DIS3L2: variants seen among roughly 807,000 people sequenced by gnomAD.
DIS3L2 encodes the protein DIS3 like 3'-5' exoribonuclease 2.
A neutral mutation model predicts 97.5 loss-of-function variants in DIS3L2; 34 were observed. That is an observed-to-expected ratio of 0.35 (90% CI 0.27 to 0.46). The LOEUF (loss-of-function observed/expected upper bound fraction) is 0.46. DIS3L2 is among the 20% of genes least tolerant of loss of function. The pLI is 1.00. For missense variants in DIS3L2, 1,038 were observed against 1,146.0 expected (o/e 0.91, Z 1.36); for synonymous variants, 435 against 445.2 (o/e 0.98, Z 0.29).
intron 5 of DIS3L2, among the ~76,000 whole-genome samples, chr2:232,033,870 T>G (rs186540870): frequency 4.6e-5 from 7 of 152,260 alleles, no homozygotes; most frequent in African/African-American, 1.4e-4. Context: ...TTTGGTTTGC[T>G]AGTATTTTAT....
chr2:232,197,063 C>T (rs34714725), intron 9 of DIS3L2, among the ~76,000 whole-genome samples: 1,686 of 152,200 alleles, frequency 0.011, 15 homozygotes, highest in South Asian at 0.034. Flanking sequence ...GATGATGATC[C>T]TTTCAACAGC....
rs538362804 is a variant in DIS3L2 at position 232,293,799 on chromosome 2, C to T, written c.1660-6241C>T. Among the ~76,000 whole-genome samples the T allele has an allele frequency of 5.3e-5, 8 of 152,264 alleles. No individual in the cohort carries two copies. The highest frequency in any genetic ancestry group is 1.9e-4 in the East Asian group (1 of 5,182). On this transcript the variant is annotated intron_variant, in intron 13 of 20. Transcript: ENST00000325385. The surrounding 1 kb of genome is among the most constrained non-coding windows in gnomAD (Gnocchi z 4.6). Reference sequence around the variant, plus strand: ...TTTCATATCTCCAAAAGCAGGAAGCCGTCAAAGGTACTAAAGAGGGAAGTG... The same window carrying T: ...TTTCATATCTCCAAAAGCAGGAAGCTGTCAAAGGTACTAAAGAGGGAAGTG...
At chr2:232,171,782 C>T (rs560111270) in intron 9 of DIS3L2, among the ~76,000 whole-genome samples, 1 of 152,246 alleles carries the variant, frequency 6.6e-6, no homozygotes, top group African/African-American at 2.4e-5. Flanking sequence ...AAAGTAGATA[C>T]ACAACTGGAC....
chr2:232,045,013 C>T (rs535244174), intron 5 of DIS3L2, among the ~76,000 whole-genome samples: 2 of 152,126 alleles, frequency 1.3e-5, no homozygotes, highest in African/African-American at 4.8e-5. Context: ...TTGAGAAAAT[C>T]GGTCTAGTGG....
At position 232,276,766 on chromosome 2, in the gene DIS3L2, CTG is replaced by C. The variant is rs1195353161; in HGVS notation, c.1659+13329_1659+13330del. Among the ~76,000 whole-genome samples the C allele has an allele frequency of 5.3e-5, 8 of 152,238 alleles. No homozygotes were observed. Among genetic ancestry groups the C allele is most frequent in the Non-Finnish European group, 1.0e-4 (7 of 68,038 alleles). ...ACTTAGCTGTGTGACTCTAACTCTT[CTG>C]TGCCTCAGTTTCCTTGTCAGTGAAA... is the stretch of plus-strand genomic sequence containing the variant. On this transcript the variant is annotated intron_variant, in intron 13 of 20. Transcript: ENST00000325385. This position sits in a 1 kb window ranked among gnomAD's most constrained non-coding sequence, Gnocchi z 4.4.
intron 8 of DIS3L2, among the ~76,000 whole-genome samples, chr2:232,143,282 C>G (rs1400762325): frequency 6.6e-6 from 1 of 152,022 alleles, no homozygotes; most frequent in African/African-American, 2.4e-5. Flanking sequence ...CCCAAGGCCC[C>G]CACCTATCAT....
intron 1 of DIS3L2, among the ~76,000 whole-genome samples, chr2:232,000,223 T>C (rs941377135): frequency 1.3e-4 from 20 of 152,220 alleles, no homozygotes; most frequent in Non-Finnish European, 2.8e-4. Context: ...AAAATTGTTG[T>C]ATTTTTATTT....
intron 1 of DIS3L2, among the ~76,000 whole-genome samples, chr2:231,981,598 T>TTATTTATA (rs1553596977): frequency 2.4e-5 from 2 of 84,070 alleles, no homozygotes; most frequent in African/African-American, 4.3e-5. Context: ...GTTAAGTATT[T>TTATTTATA]TATATATATA....
intron 13 of DIS3L2, among the ~76,000 whole-genome samples, chr2:232,342,254 TACAC>T (rs372552523): frequency 0.012 from 1,472 of 122,488 alleles, 23 homozygotes; most frequent in Admixed American, 0.063. Flanking sequence ...TATATACACA[TACAC>T]ACATACACAT....
chr2:232,114,150 T>C (rs2106334727), intron 6 of DIS3L2, among the ~76,000 whole-genome samples: 1 of 152,206 alleles, frequency 6.6e-6, no homozygotes, highest in South Asian at 2.1e-4. Context: ...CCTTAAAATC[T>C]CTGATCCCTG....
chr2:231,996,743 T>G (rs1693744383), intron 1 of DIS3L2, among the ~76,000 whole-genome samples: 1 of 152,228 alleles, frequency 6.6e-6, no homozygotes, highest in South Asian at 2.1e-4. Flanking sequence ...TTATCACATC[T>G]AATATAAAAT....
At chr2:232,221,796 C>T (rs1022200849) in intron 10 of DIS3L2, among the ~76,000 whole-genome samples, 1 of 151,852 alleles carries the variant, frequency 6.6e-6, no homozygotes, top group Non-Finnish European at 1.5e-5. Flanking sequence ...AGTGAAACTC[C>T]GTCTCAAAAA....
chr2:232,053,378 A>G (rs531219509), intron 5 of DIS3L2, among the ~76,000 whole-genome samples: 1 of 152,166 alleles, frequency 6.6e-6, no homozygotes, highest in Non-Finnish European at 1.5e-5. Flanking sequence ...TTTCTATACT[A>G]CTCTCAACAC....
intron 6 of DIS3L2, among the ~76,000 whole-genome samples, chr2:232,126,302 G>T (rs181876154): frequency 2.6e-5 from 4 of 152,176 alleles, no homozygotes; most frequent in African/African-American, 9.7e-5. Context: ...AGTATATTCC[G>T]TAGAGAATAG....
In DIS3L2 at chr2:232,263,455, T is replaced by TTA; in HGVS notation, c.1659+16_1659+17insAT. 3 of 1,613,776 alleles carry TTA rather than the reference T, an allele frequency of 1.9e-6. No individual in the cohort carries two copies. The highest frequency in any genetic ancestry group is 1.7e-6 in the Non-Finnish European group (2 of 1,179,772). ...GTTTGGATCAGGTCAGTACGTGTTT[T>TTA]TTTAGTGTAGCCAACAGATTTGACT... On this transcript the variant is annotated intron_variant, in intron 13 of 20. Coordinates refer to ENST00000325385, the MANE Select transcript of DIS3L2 (RefSeq NM_152383.5).
At position 231,990,740 on chromosome 2, in the gene DIS3L2, A is replaced by G. The variant is rs77874194; in HGVS notation, c.-93-24095A>G. ...GCCAAAACTCTGGTACTTCAGTGGC[A>G]TTAAGATGATTCTGTCTTTATTAGG... On this transcript the variant is annotated intron_variant, in intron 1 of 20. Transcript: ENST00000325385. 1.5e-3 allele frequency among the ~76,000 whole-genome samples: 236 copies of G among 152,302 alleles called. 6 individuals carry two copies. The East Asian group carries it at 0.041, about 26-fold the overall frequency.
At chr2:232,241,395 C>A (rs1338915101) in intron 11 of DIS3L2, among the ~76,000 whole-genome samples, 2 of 152,232 alleles carry the variant, frequency 1.3e-5, no homozygotes, top group Non-Finnish European at 2.9e-5. Flanking sequence ...TCATTCAGAT[C>A]TGTAAGTGAC....
At chr2:232,023,345 A>G (rs1254227823) in intron 3 of DIS3L2, among the ~76,000 whole-genome samples, 2 of 152,162 alleles carry the variant, frequency 1.3e-5, no homozygotes, top group East Asian at 3.8e-4. Context: ...AACATGGTAC[A>G]GTGCAGAAGG....
chr2:232,135,154 T>G (rs144238453), intron 7 of DIS3L2, among the ~76,000 whole-genome samples: 12 of 151,874 alleles, frequency 7.9e-5, no homozygotes, highest in Non-Finnish European at 1.5e-4. Flanking sequence ...GTTGAAGAGA[T>G]AGGGAAAGGT....
Sources: allele counts gnomAD v4.1 joint callset (sites outside exome capture counted in the v4.1 genomes callset), GRCh38; gene constraint gnomAD v4.1.1; non-coding constraint Gnocchi (gnomAD v3.1); transcripts MANE v1.5; gene names NCBI Gene and HGNC (gene_info 2026-07-23, HGNC 2026-07-21).